The following RBMS1 variants were observed in gnomAD, a reference collection of about 807,000 sequenced individuals.
RBMS1 encodes RNA binding motif single stranded interacting protein 1.
Under a neutral mutation model 62.3 loss-of-function variants are expected in RBMS1, and 17 were observed. The observed-to-expected ratio is 0.27, with a 90% CI of 0.19 to 0.41. The LOEUF is 0.41. Among genes scored for constraint, RBMS1 ranks in the 10% least tolerant of loss-of-function variants. The pLI is 1.00. For synonymous variants in RBMS1, 172 were observed against 170.0 expected (o/e 1.01, Z -0.09); for missense variants, 334 against 504.5 (o/e 0.66, Z 3.24).
At chr2:160,477,650 A>T (rs1181262351) in intron 1 of RBMS1, among the ~76,000 whole-genome samples, 1 of 152,166 alleles carries the variant, frequency 6.6e-6, no homozygotes, top group Admixed American at 6.5e-5. Context: ...AGAAAGTTTG[A>T]TGAAAGGTAC....
At chr2:160,311,355 C>T (rs1490887589) in intron 4 of RBMS1, among the ~76,000 whole-genome samples, 2 of 151,164 alleles carry the variant, frequency 1.3e-5, no homozygotes, top group Non-Finnish European at 2.9e-5. Context: ...GCAACGGCTA[C>T]TTAGAAAGGT....
rs560763094 is a variant in RBMS1 at position 160,373,104 on chromosome 2, G to A, written c.76-5713C>T. ...AAACTTTGCAGCTTCTCAAGACTGT[G>A]AAACTGACCAATAGAGTATTAAATT... On this transcript the variant is annotated intron_variant, in intron 1 of 13. Transcript: ENST00000348849. Among the ~76,000 whole-genome samples the A allele has an allele frequency of 2.6e-5, 4 of 152,274 alleles. No individual in the cohort carries two copies. In the South Asian group the frequency reaches 8.3e-4, roughly 32 times the overall value.
At chr2:160,420,492 C>A (rs1696380701) in intron 1 of RBMS1, among the ~76,000 whole-genome samples, 1 of 152,144 alleles carries the variant, frequency 6.6e-6, no homozygotes, top group Non-Finnish European at 1.5e-5. Context: ...AGTGTCTTTA[C>A]ATTATAAACT....
At chr2:160,481,916 G>A (rs761437687) in intron 1 of RBMS1, among the ~76,000 whole-genome samples, 3 of 152,154 alleles carry the variant, frequency 2.0e-5, no homozygotes, top group Non-Finnish European at 4.4e-5. Flanking sequence ...AAAACTGGTA[G>A]TGTCTACCCA....
intron 2 of RBMS1, among the ~76,000 whole-genome samples, chr2:160,342,769 C>CAAAAAAAAAAAAAAAAAA (rs550170417): frequency 8.5e-6 from 1 of 117,342 alleles, no homozygotes; most frequent in Non-Finnish European, 1.7e-5. Flanking sequence ...ATACAAAATA[C>CAAAAAAAAAAAAAAAAAA]AAAAAAAAAA....
chr2:160,417,079 T>C (rs1355019448), intron 1 of RBMS1, among the ~76,000 whole-genome samples: 1 of 152,186 alleles, frequency 6.6e-6, no homozygotes, highest in Admixed American at 6.5e-5. Flanking sequence ...CCTAATGTCC[T>C]GCACATAGTT....
chr2:160,281,143 A>T lies in RBMS1; in HGVS notation c.951+171T>A, dbSNP rs561961430. 5.6e-4 allele frequency among the ~76,000 whole-genome samples: 86 copies of T among 152,320 alleles called. No individual in the cohort carries two copies. The South Asian group carries it at 7.0e-3, about 12-fold the overall frequency. On this transcript the variant is annotated intron_variant, in intron 10 of 13. Transcript: ENST00000348849. ...AAAATGTAACTTAATATCTTCTACC[A>T]AGTTGTTTTATAAGGATGAGAAGAA...
intron 2 of RBMS1, among the ~76,000 whole-genome samples, chr2:160,335,337 C>A (rs902524419): frequency 1.3e-5 from 2 of 152,140 alleles, no homozygotes; most frequent in African/African-American, 4.8e-5. Flanking sequence ...GGTGGCAAAG[C>A]AATGTCTGGC....
intron 1 of RBMS1, among the ~76,000 whole-genome samples, chr2:160,443,120 T>C (rs7425764): frequency 0.72 from 109,345 of 151,318 alleles, 39,865 homozygotes; most frequent in Admixed American, 0.79. Context: ...GCAGAAGAAT[T>C]GCTGGAACCC....
At chr2:160,286,059 G>A (rs1227525053) in intron 7 of RBMS1, among the ~76,000 whole-genome samples, 8 of 151,910 alleles carry the variant, frequency 5.3e-5, no homozygotes, top group Non-Finnish European at 8.8e-5. Flanking sequence ...TGCAGTGAGC[G>A]GAGATCGTGC....
chr2:160,311,250 A>ATC, intron 4 of RBMS1, among the ~76,000 whole-genome samples: 1 of 131,568 alleles, frequency 7.6e-6, no homozygotes, highest in Non-Finnish European at 1.7e-5. Context: ...ATATATATAT[A>ATC]TATATATAGT....
chr2:160,299,849 C>T (rs1293028307), intron 6 of RBMS1, among the ~76,000 whole-genome samples: 1 of 152,118 alleles, frequency 6.6e-6, no homozygotes, highest in Non-Finnish European at 1.5e-5. Flanking sequence ...GGTAAGGAAG[C>T]TGAGTGAGGA....
At chr2:160,367,522 A>T in intron 1 of RBMS1, 131 bp from the exon 2 acceptor site, 1 of 1,438,014 alleles carries the variant, frequency 7.0e-7, no homozygotes, top group Non-Finnish European at 9.2e-7. Flanking sequence ...TTTACACTTT[A>T]AAAAAGGTCT....
chr2:160,280,593 C>T (rs1172269162), intron 10 of RBMS1, among the ~76,000 whole-genome samples: 2 of 152,148 alleles, frequency 1.3e-5, no homozygotes, highest in African/African-American at 4.8e-5. Flanking sequence ...GTATTGCTTA[C>T]CAGGATTCCC....
chr2:160,438,188 T>A, intron 1 of RBMS1, among the ~76,000 whole-genome samples: 1 of 151,902 alleles, frequency 6.6e-6, no homozygotes, highest in East Asian at 1.9e-4. Flanking sequence ...GCAGACTCCA[T>A]AGGGGAATCA....
chr2:160,349,551 GAA>G (rs1184615089), intron 2 of RBMS1, among the ~76,000 whole-genome samples: 1 of 138,794 alleles, frequency 7.2e-6, no homozygotes, highest in Non-Finnish European at 1.6e-5. Flanking sequence ...CTCAGAGACA[GAA>G]AGAGAGAGAG....
At chr2:160,407,333 C>G in intron 1 of RBMS1, 1 of 984,790 alleles carries the variant, frequency 1.0e-6, no homozygotes, top group Non-Finnish European at 1.2e-6. Context: ...GCAGTCCCCG[C>G]GGCCGCCTTC....
chr2:160,278,893 C>T (rs143918365), intron 10 of RBMS1: 16 of 428,660 alleles, frequency 3.7e-5, no homozygotes, highest in African/African-American at 2.9e-4. Context: ...CACTTCACAA[C>T]AATCCCTGTA....
intron 1 of RBMS1, among the ~76,000 whole-genome samples, chr2:160,405,280 A>G (rs1695641557): frequency 6.7e-6 from 1 of 149,892 alleles, no homozygotes. Context: ...CTGGCAAATT[A>G]GCTGAGATCA....
Sources: allele counts gnomAD v4.1 joint callset (sites outside exome capture counted in the v4.1 genomes callset), GRCh38; gene constraint gnomAD v4.1.1; transcripts MANE v1.5; gene names NCBI Gene and HGNC (gene_info 2026-07-23, HGNC 2026-07-21).